Variants in RAB3IL1 observed in about 807,000 individuals in gnomAD.
RAB3IL1 encodes guanine nucleotide exchange factor for Rab-3A.
In RAB3IL1, 37 loss-of-function variants were observed where a neutral mutation model predicts 49.2. The observed-to-expected ratio is 0.75, with a 90% CI of 0.58 to 0.99. The LOEUF is 0.99. Ranked by LOEUF, RAB3IL1 falls within the 50% of genes least tolerant of loss-of-function variation. The probability of loss-of-function intolerance (pLI) is 0.00; values close to 1 mark genes in which losing one functional copy is unlikely to be tolerated. For missense variants in RAB3IL1, 484 were observed against 513.0 expected (o/e 0.94, Z 0.55); for synonymous variants, 193 against 213.9 (o/e 0.90, Z 0.85).
upstream of RAB3IL1, among the ~76,000 whole-genome samples, chr11:61,923,850 C>T (rs547134805): frequency 1.9e-4 from 29 of 152,210 alleles, no homozygotes; most frequent in Non-Finnish European, 3.5e-4. Context: ...GGAAAGAGGA[C>T]GCTGGTTCTG....
the RAB3IL1 span, among the ~76,000 whole-genome samples, chr11:61,936,007 G>C: frequency 1.3e-5 from 2 of 151,754 alleles, no homozygotes; most frequent in Non-Finnish European, 2.9e-5. Context: ...GAGTTGAAGA[G>C]TATAATAACT....
At chr11:61,933,741 G>C in the RAB3IL1 span, among the ~76,000 whole-genome samples, 1 of 151,958 alleles carries the variant, frequency 6.6e-6, no homozygotes, top group African/African-American at 2.4e-5. Flanking sequence ...TATTGGCTGG[G>C]TGTGGTGGCT....
chr11:61,916,175 G>T (rs1011464930), intron 1 of RAB3IL1, among the ~76,000 whole-genome samples: 1 of 151,994 alleles, frequency 6.6e-6, no homozygotes, highest in Non-Finnish European at 1.5e-5. Flanking sequence ...GTGAAACCCC[G>T]TCTCTACTAA....
chr11:61,943,831 G>T, the RAB3IL1 span, among the ~76,000 whole-genome samples: 2 of 151,992 alleles, frequency 1.3e-5, no homozygotes, highest in Admixed American at 6.6e-5. Context: ...ATACATAAGT[G>T]GAAAAGGTGA....
chr11:61,942,806 A>G, the RAB3IL1 span, among the ~76,000 whole-genome samples: 5 of 152,230 alleles, frequency 3.3e-5, no homozygotes, highest in East Asian at 3.8e-4. Context: ...AATATTTTTA[A>G]CCAAGAAGAT....
At chr11:61,925,024 C>A (rs1321256297), upstream of RAB3IL1, among the ~76,000 whole-genome samples, 1 of 152,182 alleles carries the variant, frequency 6.6e-6, no homozygotes, top group Non-Finnish European at 1.5e-5. Flanking sequence ...TCCAAGGTGG[C>A]AGAATGTGGG....
chr11:61,916,771 A>G (rs1297416322), intron 1 of RAB3IL1, among the ~76,000 whole-genome samples: 1 of 152,060 alleles, frequency 6.6e-6, no homozygotes, highest in Non-Finnish European at 1.5e-5. Flanking sequence ...GCCTGAACAG[A>G]CACAGCCACT....
chr11:61,915,796 G>A (rs928791287), intron 1 of RAB3IL1, among the ~76,000 whole-genome samples: 8 of 152,122 alleles, frequency 5.3e-5, no homozygotes, highest in African/African-American at 1.9e-4. Context: ...CCAGCACTTT[G>A]GGAGGCTGAG....
chr11:61,911,150 G>A (rs1191670385), intron 1 of RAB3IL1, among the ~76,000 whole-genome samples: 3 of 152,188 alleles, frequency 2.0e-5, no homozygotes, highest in African/African-American at 7.2e-5. Context: ...TGTAGCCAGA[G>A]GAAACAGTGG....
At chr11:61,922,484 T>A (rs1247212649), upstream of RAB3IL1, among the ~76,000 whole-genome samples, 1 of 151,692 alleles carries the variant, frequency 6.6e-6, no homozygotes, top group African/African-American at 2.4e-5. Flanking sequence ...ATCCCACCAT[T>A]GCACTCCAGC....
intron 1 of RAB3IL1, 25 bp downstream of exon 1, chr11:61,917,308 CGACCGCGGCCCAGACCCAGCGCGG>C (rs1939739167): frequency 7.4e-7 from 1 of 1,353,250 alleles, no homozygotes; most frequent in African/African-American, 1.5e-5. Context: ...TCCCGGGAGG[CGACCGCGGCCCAGACCCAGCGCGG>C]GACCGCGAGC....
intron 1 of RAB3IL1, among the ~76,000 whole-genome samples, chr11:61,915,813 G>A (rs559217012): frequency 2.6e-5 from 4 of 152,140 alleles, no homozygotes; most frequent in East Asian, 3.9e-4. Context: ...TGAGGCGGGC[G>A]GATCACAAGG....
At chr11:61,919,095 G>T (rs1224806151), upstream of RAB3IL1, among the ~76,000 whole-genome samples, 1 of 152,196 alleles carries the variant, frequency 6.6e-6, no homozygotes, top group Non-Finnish European at 1.5e-5. Context: ...TTTAGAGAAG[G>T]AGGAGAAAAT....
chr11:61,899,169 G>A (rs1359094746), intron 9 of RAB3IL1, 145 bp downstream of exon 9: 4 of 904,212 alleles, frequency 4.4e-6, no homozygotes, highest in African/African-American at 1.7e-5. Context: ...GTTTGTGAAC[G>A]CTTTACTAAA....
chr11:61,917,434 C>T lies in RAB3IL1; in HGVS notation c.-67G>A, dbSNP rs1334503228. The T allele has an allele frequency of 3.4e-6, 4 of 1,189,798 alleles. No homozygotes were observed. The highest frequency in any genetic ancestry group is 8.3e-5 in the South Asian group (2 of 24,190). The allele number at this position is 1,189,798 out of a possible 1,614,324, so 73.7% of individuals were successfully genotyped here. ...CCGCGTCCTCCCAGCGCCGCGTCCC[C>T]GCCCGCCGCCGACTCCGCCAGGGGC... On this transcript the variant is annotated 5_prime_UTR_variant, in exon 1 of 10. Transcript: ENST00000394836.
chr11:61,902,995 G>C (rs1938996321), intron 7 of RAB3IL1, among the ~76,000 whole-genome samples: 1 of 151,960 alleles, frequency 6.6e-6, no homozygotes, highest in Admixed American at 6.6e-5. Context: ...TAACCCCCAT[G>C]GTTCTCAGCC....
chr11:61,922,516 C>T (rs887269685), upstream of RAB3IL1, among the ~76,000 whole-genome samples: 18 of 151,914 alleles, frequency 1.2e-4, no homozygotes, highest in Admixed American at 1.1e-3. Flanking sequence ...GAGCCAAACT[C>T]CGTCTTGGAA....
At chr11:61,902,664 CA>C in intron 7 of RAB3IL1, 123 bp from the exon 8 acceptor site, 1 of 877,924 alleles carries the variant, frequency 1.1e-6, no homozygotes, top group Non-Finnish European at 1.8e-6. Context: ...TCCCTTCCCC[CA>C]CCCGGCTTCC....
At chr11:61,925,762 G>A in the RAB3IL1 span, among the ~76,000 whole-genome samples, 1 of 152,156 alleles carries the variant, frequency 6.6e-6, no homozygotes, top group African/African-American at 2.4e-5. Flanking sequence ...TTTGCCAGGA[G>A]CTCAGGCTCA....
Sources: allele counts gnomAD v4.1 joint callset (sites outside exome capture counted in the v4.1 genomes callset), GRCh38; gene constraint gnomAD v4.1.1; transcripts MANE v1.5; gene names NCBI Gene and HGNC (gene_info 2026-07-23, HGNC 2026-07-21).